Variants in FGF14 observed in about 807,000 individuals in gnomAD.
FGF14 encodes fibroblast growth factor 14.
In FGF14, 5 loss-of-function variants were observed where a neutral mutation model predicts 25.5. The ratio of observed to expected loss-of-function variants is 0.20; its 90% CI spans 0.10 to 0.41. The LOEUF (loss-of-function observed/expected upper bound fraction) is 0.41. Ranked by LOEUF, FGF14 falls within the 10% of genes least tolerant of loss-of-function variation. The pLI is 1.00. For missense variants in FGF14, 222 were observed against 320.1 expected (o/e 0.69, Z 2.34); for synonymous variants, 138 against 118.3 (o/e 1.17, Z -1.08).
At chr13:102,386,041 A>C (rs2058294027) in intron 1 of FGF14, among the ~76,000 whole-genome samples, 1 of 152,126 alleles carries the variant, frequency 6.6e-6, no homozygotes, top group Non-Finnish European at 1.5e-5. Context: ...TGGCATATTT[A>C]TTAACAGTAC....
intron 1 of FGF14, among the ~76,000 whole-genome samples, chr13:101,890,705 G>A (rs2046223223): frequency 6.6e-6 from 1 of 152,172 alleles, no homozygotes; most frequent in Non-Finnish European, 1.5e-5. Context: ...AAGGGGTCCT[G>A]TAGCTGCGCA....
intron 1 of FGF14, among the ~76,000 whole-genome samples, chr13:101,927,967 C>T (rs2034482795): frequency 6.6e-6 from 1 of 152,194 alleles, no homozygotes; most frequent in Admixed American, 6.5e-5. Context: ...GACACATATG[C>T]CCTCCGTCCC....
intron 1 of FGF14, among the ~76,000 whole-genome samples, chr13:102,246,885 AACAG>A (rs1464923928): frequency 1.3e-5 from 2 of 152,036 alleles, no homozygotes; most frequent in East Asian, 3.9e-4. Context: ...CTAGTACAAA[AACAG>A]ACACATAGAC....
At chr13:102,069,200 A>C (rs938012713) in intron 1 of FGF14, among the ~76,000 whole-genome samples, 11 of 151,952 alleles carry the variant, frequency 7.2e-5, no homozygotes, top group Non-Finnish European at 1.3e-4. Context: ...GCCAATTGAC[A>C]CTCTGTATCT....
At chr13:101,998,883 A>G (rs962970850) in intron 1 of FGF14, among the ~76,000 whole-genome samples, 1 of 152,228 alleles carries the variant, frequency 6.6e-6, no homozygotes, top group Non-Finnish European at 1.5e-5. Context: ...CAAAACACCT[A>G]GAGTGTCTGC....
chr13:102,268,036 C>T (rs2053074846), intron 1 of FGF14, among the ~76,000 whole-genome samples: 1 of 151,974 alleles, frequency 6.6e-6, no homozygotes, highest in Admixed American at 6.6e-5. Flanking sequence ...TCTAAGACAT[C>T]AGAATAGGAC....
intron 1 of FGF14, among the ~76,000 whole-genome samples, chr13:102,195,556 G>A (rs1317171989): frequency 6.6e-6 from 1 of 150,740 alleles, no homozygotes; most frequent in Non-Finnish European, 1.5e-5. Context: ...TAGCATAAAA[G>A]AAGAAAATAA....
intron 3 of FGF14, among the ~76,000 whole-genome samples, chr13:101,763,747 C>A (rs1260456035): frequency 1.3e-5 from 2 of 152,146 alleles, no homozygotes; most frequent in African/African-American, 2.4e-5. Flanking sequence ...GTAATCCCAG[C>A]TACTTGGGAG....
intron 1 of FGF14, among the ~76,000 whole-genome samples, chr13:102,315,549 A>G (rs921345256): frequency 3.3e-5 from 5 of 152,206 alleles, no homozygotes; most frequent in Non-Finnish European, 5.9e-5. Context: ...GTCATAACCC[A>G]ATACTGCAAA....
At chr13:102,235,379 T>C (rs1312442876) in intron 1 of FGF14, among the ~76,000 whole-genome samples, 2 of 152,180 alleles carry the variant, frequency 1.3e-5, no homozygotes, top group Non-Finnish European at 2.9e-5. Context: ...AATCATTCAC[T>C]GAAAATTTTT....
At chr13:102,155,476 C>T (rs2047287227) in intron 1 of FGF14, among the ~76,000 whole-genome samples, 1 of 151,532 alleles carries the variant, frequency 6.6e-6, no homozygotes, top group Admixed American at 6.7e-5. Context: ...AGAACAAAGA[C>T]ACAACATACC....
intron 3 of FGF14, among the ~76,000 whole-genome samples, chr13:101,821,082 G>A (rs1335238099): frequency 1.1e-4 from 16 of 148,332 alleles, no homozygotes; most frequent in African/African-American, 3.4e-4. Flanking sequence ...CCAAGTAGCT[G>A]GGAGTACAGG....
rs59758881 is a variant in FGF14, at chr13:101,910,837, C to CGTGTGTGTGT, written c.193+5606_193+5615dup. ...AAATGGTCTCTTAGAGATTTGGATTCGTGTGTGTGTGTGTGTGTGTGTGTG... is the reference window on the plus strand; with the variant it reads ...AAATGGTCTCTTAGAGATTTGGATTCGTGTGTGTGTGTGTGTGTGTGTGTGTGTGTGTGTG... On this transcript the variant is annotated intron_variant, in intron 1 of 4. Transcript: ENST00000376143. 4.3e-3 allele frequency among the ~76,000 whole-genome samples: 562 copies of CGTGTGTGTGT among 129,312 alleles called. 9 individuals are homozygous for CGTGTGTGTGT. The highest frequency in any genetic ancestry group is 7.6e-3 in the Admixed American group (97 of 12,810). 84.8% of individuals were successfully genotyped at this position (129,312 alleles called of 152,430 possible).
At chr13:102,342,595 A>T (rs2056985173) in intron 1 of FGF14, among the ~76,000 whole-genome samples, 1 of 152,138 alleles carries the variant, frequency 6.6e-6, no homozygotes, top group African/African-American at 2.4e-5. Flanking sequence ...ATATGACTTT[A>T]TATTATTTCA....
intron 3 of FGF14, among the ~76,000 whole-genome samples, chr13:101,779,441 T>C (rs919415076): frequency 1.3e-5 from 2 of 152,204 alleles, no homozygotes; most frequent in Admixed American, 1.3e-4. Context: ...TTCACTTCTT[T>C]CATTGTGTTA....
At chr13:102,398,397 G>A (rs1051861919) in intron 1 of FGF14, among the ~76,000 whole-genome samples, 1 of 152,104 alleles carries the variant, frequency 6.6e-6, no homozygotes, top group African/African-American at 2.4e-5. Flanking sequence ...CTTGTTGACA[G>A]TTTAGCGAAT....
intron 1 of FGF14, among the ~76,000 whole-genome samples, chr13:101,950,200 C>T (rs1257385613): frequency 1.3e-5 from 2 of 152,042 alleles, no homozygotes; most frequent in Non-Finnish European, 2.9e-5. Flanking sequence ...CTATAATGAC[C>T]TCTCTCCAGA....
Position 102,202,781 on chromosome 13 carries a change from G to T in FGF14, c.208+198690C>A, listed in dbSNP as rs73565546. ...CTATCCTTACGTAGTAGACAATTTG[G>T]TAAAATGTCCTTTTCTGAGTTCCAT... On this transcript the variant is annotated intron_variant, in intron 1 of 4. Transcript: ENST00000376131. Among the ~76,000 whole-genome samples the T allele has an allele frequency of 5.3e-3, 814 of 152,222 alleles. 5 individuals are homozygous for T. Among genetic ancestry groups the T allele is most frequent in the African/African-American group, 0.019 (769 of 41,526 alleles).
intron 1 of FGF14, among the ~76,000 whole-genome samples, chr13:102,021,733 C>T (rs902879498): frequency 2.6e-5 from 4 of 152,088 alleles, no homozygotes; most frequent in African/African-American, 9.7e-5. Flanking sequence ...TTTATACTCA[C>T]TGCCAGAAAT....
Sources: gnomAD v4.1 joint callset for allele counts (sites outside exome capture counted in the v4.1 genomes callset) on GRCh38, gnomAD v4.1.1 for gene constraint, MANE v1.5 for transcripts, NCBI Gene and HGNC (gene_info 2026-07-23, HGNC 2026-07-21) for gene names.